Variants in ARFGAP2 observed in about 807,000 individuals in gnomAD.
ARFGAP2 encodes ARF GTPase activating protein 2.
ARFGAP2 carries 45 observed loss-of-function variants against 71.9 expected under a neutral mutation model. That is an observed-to-expected ratio of 0.63 (90% CI 0.49 to 0.80). ARFGAP2 has a LOEUF of 0.80. Among genes scored for constraint, ARFGAP2 ranks in the 30% least tolerant of loss-of-function variants. The pLI is 0.00. For missense variants in ARFGAP2, 633 were observed against 673.9 expected, an observed-to-expected ratio of 0.94 and a Z score of 0.67; for synonymous variants, 248 against 249.2, an observed-to-expected ratio of 1.00 and a Z score of 0.05.
intron 7 of ARFGAP2, chr11:47,172,856 T>TGCC (rs1952656946): frequency 9.2e-7 from 1 of 1,085,686 alleles, no homozygotes; most frequent in African/African-American, 1.6e-5. Flanking sequence ...GACCAAGCTA[T>TGCC]GCCAGCCTTC....
intron 5 of ARFGAP2, 153 bp downstream of exon 5, chr11:47,174,862 G>T (rs1032828231): frequency 3.7e-5 from 29 of 786,412 alleles, no homozygotes; most frequent in Non-Finnish European, 5.1e-5. Context: ...GAAACACCTA[G>T]GCCTACCCAG....
At chr11:47,168,362 C>G (rs1206108948) in intron 10 of ARFGAP2, 111 bp from the exon 11 acceptor site, 2 of 1,449,284 alleles carry the variant, frequency 1.4e-6, no homozygotes, top group Non-Finnish European at 1.9e-6. Flanking sequence ...TCACCCAGAG[C>G]CTTCTGTCCT....
At chr11:47,174,140 A>G (rs1161212236) in intron 5 of ARFGAP2, among the ~76,000 whole-genome samples, 1 of 152,178 alleles carries the variant, frequency 6.6e-6, no homozygotes, top group African/African-American at 2.4e-5. Context: ...ATATATGAAT[A>G]TATTTAATTA....
rs757427995 is a variant in ARFGAP2 at position 47,166,584 on chromosome 11, G to A, written c.1348C>T (p.Arg450Trp). The change falls in exon 14 of 16, where the codon CGG (arginine) becomes TGG (tryptophan). Residue 450 changes from arginine to tryptophan, a missense_variant. Arg to Trp is a moderately radical substitution (Grantham distance 101, BLOSUM62 -3). Coordinates refer to ENST00000524782, the MANE Select transcript of ARFGAP2 (RefSeq NM_032389.6). ...CTGCTGCCTGAGAGCTGCTGCAGCC[G>A]AGACCTGGCCTCATACTGTGGTGAG... ...EVDAEYEARS[R>W]LQQLSGSSAI... The A allele has an allele frequency of 1.9e-5, 30 of 1,612,054 alleles. No individual in the cohort carries two copies. In the East Asian group the frequency reaches 3.3e-4, roughly 18 times the overall value.
At chr11:47,173,523 T>A in intron 6 of ARFGAP2, 41 bp from the exon 7 acceptor site, 1 of 1,524,270 alleles carries the variant, frequency 6.6e-7, no homozygotes, top group Non-Finnish European at 8.8e-7. Flanking sequence ...AGCTCCTAGC[T>A]TCCTGCAACC....
chr11:47,172,813 C>G (rs1050108475), intron 7 of ARFGAP2: 214 of 1,276,534 alleles, frequency 1.7e-4, no homozygotes, highest in Non-Finnish European at 2.1e-4. Context: ...ACAGAGCTCC[C>G]AAGCCCAGCG....
At chr11:47,174,687 G>A (rs140209019) in intron 5 of ARFGAP2, 4,036 of 279,870 alleles carry the variant, frequency 0.014, 52 homozygotes, top group Non-Finnish European at 0.021. Context: ...GAGCCACTGC[G>A]CCCGGCCCAC....
rs765254040 is a variant in ARFGAP2, at chr11:47,166,774, C to T, written c.1318G>A (p.Glu440Lys). The T allele has an allele frequency of 1.2e-6, 2 of 1,613,724 alleles. No homozygotes were observed. The highest frequency in any genetic ancestry group is 2.2e-5 in the East Asian group (1 of 44,866). ...GCCCCACTTACCTCTGCATCCACCT[C>T]CCGCCCAAAGAACATGTCAGATGAG... Reference protein sequence around the residue: ...AISSDMFFGREVDAEYEARSR... With the variant: ...AISSDMFFGRKVDAEYEARSR... The change falls in exon 13 of 16, where the codon GAG (glutamate) becomes AAG (lysine). Residue 440 changes from glutamate to lysine, a missense_variant. Coordinates refer to ENST00000524782, the MANE Select transcript of ARFGAP2 (RefSeq NM_032389.6).
In ARFGAP2 at chr11:47,175,090, T is replaced by C; in HGVS notation, c.405A>G (p.Ile135Met). Residue 135 changes from isoleucine to methionine, a missense_variant, in exon 5 of 16, where the codon ATA becomes ATG. Coordinates refer to ENST00000524782, the MANE Select transcript of ARFGAP2 (RefSeq NM_032389.6). The part of the protein sequence containing the change: ...ALARHGTDLW[I>M]DNMSSAVPNH... ...TAGGAACGGCACTACTCATGTTGTC[T>C]ATCCAAAGCTAGAAAGGAGAAGACA... 1 of 1,614,166 alleles carries C rather than the reference T, an allele frequency of 6.2e-7. No homozygotes were observed. Among genetic ancestry groups the C allele is most frequent in the Non-Finnish European group, 8.5e-7 (1 of 1,180,020 alleles).
Position 47,164,356 on chromosome 11 carries a change from T to C in ARFGAP2, c.*1126A>G, listed in dbSNP as rs1952269290. 18 of 1,248,938 alleles carry C rather than the reference T, an allele frequency of 1.4e-5. No individual in the cohort carries two copies. The highest frequency in any genetic ancestry group is 2.0e-5 in the Non-Finnish European group (18 of 919,818). 77.4% of individuals were successfully genotyped at this position (1,248,938 alleles called of 1,614,324 possible). ...GCAGGGGCTTTATTTTGACACCACT[T>C]TGTTTCAATACAAACAGTCCAGAAA... On this transcript the variant is annotated 3_prime_UTR_variant, in exon 16 of 16. Coordinates refer to ENST00000524782, the MANE Select transcript of ARFGAP2 (RefSeq NM_032389.6).
rs1254848871 is a variant in ARFGAP2, at chr11:47,173,260, A to G, written c.619+166T>C. 4 of 816,398 alleles carry G rather than the reference A, an allele frequency of 4.9e-6. No homozygotes were observed. In the East Asian group the frequency reaches 8.2e-5, roughly 17 times the overall value. The allele number at this position is 816,398 out of a possible 1,614,324, so 50.6% of individuals were successfully genotyped here. A position where few individuals can be genotyped will look rare whatever the true frequency, so the allele number is the denominator to read the frequency against. ...ATTCAAAGGGCTTGGCTCTAAAATC[A>G]GTGTTGCATCCACTATTTCAATCAC... On this transcript the variant is annotated intron_variant, in intron 7 of 15. Coordinates refer to ENST00000524782, the MANE Select transcript of ARFGAP2 (RefSeq NM_032389.6).
In ARFGAP2 at chr11:47,176,833, C is replaced by A. The variant is rs759782716; in HGVS notation, c.21G>T (p.Lys7Asn). The A allele has an allele frequency of 1.2e-6, 2 of 1,613,856 alleles. No homozygotes were observed. The highest frequency in any genetic ancestry group is 1.7e-6 in the Non-Finnish European group (2 of 1,180,006). Residue 7 changes from lysine (K) to asparagine (N), a missense_variant, in exon 1 of 16, where the codon AAG becomes AAT. Transcript: ENST00000524782. ...TCTTAAAAAGAGTCTGGATTTCGGT[C>A]TTGTTCGGCTCCGCCGCCATTTTCT... is the stretch of plus-strand genomic sequence containing the variant. The part of the protein sequence containing the change: MAAEPN[K>N]TEIQTLFKRL...
chr11:47,173,352 G>A, intron 7 of ARFGAP2, 74 bp downstream of exon 7: 1 of 1,513,606 alleles, frequency 6.6e-7, no homozygotes, highest in Non-Finnish European at 9.0e-7. Flanking sequence ...CGGCCAGGCA[G>A]TAGGACCTCT....
chr11:47,166,512 C>T lies in ARFGAP2; in HGVS notation c.1420G>A (p.Gly474Arg), dbSNP rs375539082. ...DLFGDMDGAHGAGSVSLGNVL... is the reference protein window; with the variant it reads ...DLFGDMDGAHRAGSVSLGNVL... ...CACCCCACCAGGGCCCTACCTGCTCCGTGAGCTCCATCCATGTCCCCAAAG... is the reference window on the plus strand; with the variant it reads ...CACCCCACCAGGGCCCTACCTGCTCTGTGAGCTCCATCCATGTCCCCAAAG... Residue 474 changes from glycine (G) to arginine (R), a missense_variant, in exon 14 of 16, where the codon GGA (glycine) becomes AGA (arginine). Gly to Arg is a moderately radical substitution (Grantham distance 125). Transcript: ENST00000524782. 1.1e-5 allele frequency: 17 copies of T among 1,612,908 alleles called. No homozygotes were observed. In the African/African-American group the frequency reaches 1.1e-4, roughly 10 times the overall value.
chr11:47,172,292 C>A lies in ARFGAP2; in HGVS notation c.661G>T (p.Ala221Ser), dbSNP rs1357127452. 1.9e-6 allele frequency: 3 copies of A among 1,614,216 alleles called. No homozygotes were observed. Among genetic ancestry groups the A allele is most frequent in the Non-Finnish European group, 2.5e-6 (3 of 1,180,028 alleles). ...SIIGKKKPAA[A>S]KKGLGAKKGL... ...CTCTCCCCACCTACCCCTTTCTTAG[C>A]TGCTGCTGGCTTCTTCTTGCCAATG... The change falls in exon 8 of 16, where the codon GCT (alanine) becomes TCT (serine). Residue 221 changes from alanine (A) to serine (S), a missense_variant. Ala to Ser is a moderately conservative substitution (Grantham distance 99, BLOSUM62 1). Transcript: ENST00000524782.
intron 15 of ARFGAP2, 119 bp from the exon 16 acceptor site, chr11:47,165,621 G>C: frequency 8.7e-7 from 1 of 1,150,570 alleles, no homozygotes; most frequent in East Asian, 2.6e-5. Flanking sequence ...GGCAGGGGCT[G>C]GACAGCCCGG....
At chr11:47,165,783 A>G (rs1952341900) in intron 15 of ARFGAP2, among the ~76,000 whole-genome samples, 1 of 152,214 alleles carries the variant, frequency 6.6e-6, no homozygotes, top group Non-Finnish European at 1.5e-5. Flanking sequence ...ACACAGAGGC[A>G]TCTTGGAGAG....
At position 47,165,522 on chromosome 11, in the gene ARFGAP2, A is replaced by G. The variant is rs574671657; in HGVS notation, c.1546-20T>C. On this transcript the variant is annotated intron_variant, in intron 15 of 15. Transcript: ENST00000524782. ...GCGATCCTGGGGGCGAGGGGGGAGA[A>G]AAAAAAAAAAAAAGTCAGAGGCTCT... 1,642 of 632,790 alleles carry G rather than the reference A, an allele frequency of 2.6e-3. 1 individual carries two copies. The highest frequency in any genetic ancestry group is 7.3e-3 in the African/African-American group (131 of 17,956). The allele number at this position is 632,790 out of a possible 1,614,324, so 39.2% of individuals were successfully genotyped here.
At position 47,175,079 on chromosome 11, in the gene ARFGAP2, C is replaced by G. The variant is rs755131514; in HGVS notation, c.416G>C (p.Ser139Thr). Reference protein sequence around the residue: ...HGTDLWIDNMSSAVPNHSPEK... With the variant: ...HGTDLWIDNMTSAVPNHSPEK... ...TGGGGAGTGATTAGGAACGGCACTA[C>G]TCATGTTGTCTATCCAAAGCTAGAA... The change falls in exon 5 of 16, where the codon AGT (serine) becomes ACT (threonine). Residue 139 changes from serine to threonine, a missense_variant. Coordinates refer to ENST00000524782, the MANE Select transcript of ARFGAP2 (RefSeq NM_032389.6). 4.3e-6 allele frequency: 7 copies of G among 1,614,044 alleles called. No individual in the cohort carries two copies. Among genetic ancestry groups the G allele is most frequent in the Admixed American group, 3.3e-5 (2 of 59,998 alleles).
Sources: allele counts gnomAD v4.1 joint callset (sites outside exome capture counted in the v4.1 genomes callset), GRCh38; gene constraint gnomAD v4.1.1; transcripts MANE v1.5; gene names NCBI Gene and HGNC (gene_info 2026-07-23, HGNC 2026-07-21).